The following MCTP2 variants were observed in gnomAD, a reference collection of about 807,000 sequenced individuals.
MCTP2 encodes the protein multiple C2 and transmembrane domain-containing protein 2.
A neutral mutation model predicts 111.6 loss-of-function variants in MCTP2; 132 were observed. That is an observed-to-expected ratio of 1.18 (90% CI 1.03 to 1.37). MCTP2 has a LOEUF of 1.37. MCTP2 is among the 40% of genes most tolerant of loss of function. MCTP2 has a pLI of 0.00. For missense variants in MCTP2, 1,183 were observed against 1,067.9 expected (o/e 1.11, Z -1.50); for synonymous variants, 395 against 387.7 (o/e 1.02, Z -0.22).
At position 94,406,701 on chromosome 15, in the gene MCTP2, T is replaced by C. The variant is rs1294009114; in HGVS notation, c.2085+4682T>C. ...GATAATTTGAAAAACCCTAGAGCCT[T>C]GGTTCTAGACTGAGTCCCAAATTAC... On this transcript the variant is annotated intron_variant, in intron 17 of 22. Transcript: ENST00000357742. Among the ~76,000 whole-genome samples, 4 of 152,208 alleles carry C rather than the reference T, an allele frequency of 2.6e-5. No homozygotes were observed. In the East Asian group the frequency reaches 7.7e-4, roughly 29 times the overall value.
At chr15:94,438,960 G>A (rs2083626992) in intron 17 of MCTP2, among the ~76,000 whole-genome samples, 1 of 152,122 alleles carries the variant, frequency 6.6e-6, no homozygotes, top group African/African-American at 2.4e-5. Flanking sequence ...AAATAGAAAA[G>A]AGGAAACAGA....
intron 10 of MCTP2, 25 bp from the exon 11 acceptor site, chr15:94,367,580 C>G (rs1555460179): frequency 6.3e-7 from 1 of 1,590,492 alleles, no homozygotes; most frequent in Non-Finnish European, 8.6e-7. Context: ...ACTTTTCTCT[C>G]TCTTGATTCC....
At chr15:94,440,375 A>C in intron 18 of MCTP2, 77 bp downstream of exon 18, 2 of 1,573,308 alleles carry the variant, frequency 1.3e-6, no homozygotes, top group Non-Finnish European at 1.7e-6. Context: ...CCACCAAATC[A>C]TGGCCCAAGT....
chr15:94,390,384 G>A (rs1323898556), intron 14 of MCTP2, among the ~76,000 whole-genome samples: 1 of 151,896 alleles, frequency 6.6e-6, no homozygotes, highest in Non-Finnish European at 1.5e-5. Flanking sequence ...GTGTGCATTG[G>A]AAAACTCTAA....
intron 21 of MCTP2, 28 bp downstream of exon 21, chr15:94,470,470 C>G (rs2073827620): frequency 1.4e-6 from 2 of 1,389,554 alleles, no homozygotes; most frequent in African/African-American, 1.4e-5. Context: ...CTTTTGCTAG[C>G]AATCAATTCC....
At chr15:94,445,937 G>A (rs144891356) in intron 19 of MCTP2, among the ~76,000 whole-genome samples, 281 of 152,280 alleles carry the variant, frequency 1.8e-3, no homozygotes, top group African/African-American at 6.5e-3. Flanking sequence ...AGATAAAAGC[G>A]TGCCGGGGCC....
intron 10 of MCTP2, among the ~76,000 whole-genome samples, chr15:94,360,095 C>A (rs912512990): frequency 6.6e-6 from 1 of 152,108 alleles, no homozygotes; most frequent in Non-Finnish European, 1.5e-5. Flanking sequence ...TTTCATCACA[C>A]GTGTCCAAAC....
At chr15:94,345,549 C>T (rs1232013571) in intron 8 of MCTP2, among the ~76,000 whole-genome samples, 1 of 152,156 alleles carries the variant, frequency 6.6e-6, no homozygotes, top group Non-Finnish European at 1.5e-5. Flanking sequence ...ATGTGGTACA[C>T]TTTTTAAGTC....
In MCTP2 at chr15:94,392,747, C is replaced by T. The variant is rs573242791; in HGVS notation, c.1789-6214C>T. 1.0e-3 allele frequency among the ~76,000 whole-genome samples: 152 copies of T among 151,826 alleles called. 1 individual carries two copies. The highest frequency in any genetic ancestry group is 3.5e-3 in the African/African-American group (143 of 41,424). Reference sequence around the variant, plus strand: ...AGGAGAATCGCCTGAACCTGGGAGACGGAGGTTGCAGTGAGCCAAGATCAC... The same window carrying T: ...AGGAGAATCGCCTGAACCTGGGAGATGGAGGTTGCAGTGAGCCAAGATCAC... On this transcript the variant is annotated intron_variant, in intron 14 of 22. Transcript: ENST00000357742.
intron 1 of MCTP2, among the ~76,000 whole-genome samples, chr15:94,279,985 CTGCTGGATTCAGTT>C (rs1346485907): frequency 3.3e-5 from 5 of 152,120 alleles, no homozygotes; most frequent in Non-Finnish European, 5.9e-5. Context: ...TTTTGATGTG[CTGCTGGATTCAGTT>C]TGCTTGTATT....
At chr15:94,453,010 T>G (rs2084563695) in intron 19 of MCTP2, among the ~76,000 whole-genome samples, 1 of 152,206 alleles carries the variant, frequency 6.6e-6, no homozygotes, top group Non-Finnish European at 1.5e-5. Flanking sequence ...AATAACTGAT[T>G]CTTTTCTTTA....
intron 2 of MCTP2, among the ~76,000 whole-genome samples, chr15:94,301,530 G>A (rs532134566): frequency 6.6e-6 from 1 of 152,358 alleles, no homozygotes; most frequent in Admixed American, 6.5e-5. Flanking sequence ...TGGCTGGGGA[G>A]ACACCTTTGT....
chr15:94,288,454 A>G (rs914274620), intron 1 of MCTP2, among the ~76,000 whole-genome samples: 9 of 152,228 alleles, frequency 5.9e-5, no homozygotes, highest in Admixed American at 2.6e-4. Context: ...CAAGCAGGGC[A>G]TATCTAAATG....
chr15:94,453,287 C>T (rs1596766111), intron 19 of MCTP2, among the ~76,000 whole-genome samples: 1 of 152,316 alleles, frequency 6.6e-6, no homozygotes, highest in South Asian at 2.1e-4. Flanking sequence ...TGACCCATCT[C>T]TATTTTCCTG....
intron 2 of MCTP2, 74 bp downstream of exon 2, chr15:94,298,804 C>A (rs1347010856): frequency 2.1e-6 from 2 of 950,754 alleles, no homozygotes; most frequent in Admixed American, 3.1e-5. Flanking sequence ...CTCCCTCTCT[C>A]CCCATCTCCC....
chr15:94,378,162 C>T (rs755792523), intron 12 of MCTP2, among the ~76,000 whole-genome samples: 3 of 152,004 alleles, frequency 2.0e-5, no homozygotes, highest in Non-Finnish European at 2.9e-5. Flanking sequence ...AGATGTTAGA[C>T]AAGATCAGTG....
chr15:94,359,984 C>G (rs187116432), intron 10 of MCTP2, among the ~76,000 whole-genome samples: 186 of 152,288 alleles, frequency 1.2e-3, no homozygotes, highest in African/African-American at 4.3e-3. Context: ...GTTTAGCAAA[C>G]CTGGCTCTCA....
chr15:94,442,734 A>G (rs555325739), intron 18 of MCTP2, among the ~76,000 whole-genome samples, 185 bp from the exon 19 acceptor site: 2 of 152,368 alleles, frequency 1.3e-5, no homozygotes, highest in Non-Finnish European at 2.9e-5. Flanking sequence ...TAGATTATGC[A>G]TATTGTTTAG....
chr15:94,334,663 G>A (rs1404911039), intron 4 of MCTP2, among the ~76,000 whole-genome samples: 1 of 152,038 alleles, frequency 6.6e-6, no homozygotes, highest in Non-Finnish European at 1.5e-5. Context: ...AGCTTTCTGA[G>A]TAGCTGGGAC....
Sources: gnomAD v4.1 joint callset for allele counts (sites outside exome capture counted in the v4.1 genomes callset) on GRCh38, gnomAD v4.1.1 for gene constraint, MANE v1.5 for transcripts, NCBI Gene and HGNC (gene_info 2026-07-23, HGNC 2026-07-21) for gene names.